The following SLC4A7 variants were observed in gnomAD, a reference collection of about 807,000 sequenced individuals.
The protein encoded by SLC4A7 is sodium bicarbonate cotransporter 3.
In SLC4A7, 51 loss-of-function variants were observed where a neutral mutation model predicts 137.6. The observed-to-expected ratio is 0.37, with a 90% CI of 0.30 to 0.47. SLC4A7 has a LOEUF of 0.47. Ranked by LOEUF, SLC4A7 falls within the 20% of genes least tolerant of loss-of-function variation. The pLI, the probability that SLC4A7 is intolerant of heterozygous loss-of-function variation, is 1.00. For missense variants in SLC4A7, 1,247 were observed against 1,525.4 expected (o/e 0.82, Z 3.04); for synonymous variants, 542 against 518.6 (o/e 1.05, Z -0.61).
intron 3 of SLC4A7, among the ~76,000 whole-genome samples, chr3:27,446,865 GTTTTTTTTT>G (rs1246159785): frequency 2.5e-5 from 2 of 80,250 alleles, no homozygotes; most frequent in Non-Finnish European, 5.2e-5. Flanking sequence ...TCTTAGTAGA[GTTTTTTTTT>G]GTTTTTTTTT....
chr3:27,435,156 A>C (rs374752944), intron 5 of SLC4A7, among the ~76,000 whole-genome samples: 1 of 152,212 alleles, frequency 6.6e-6, no homozygotes, highest in South Asian at 2.1e-4. Context: ...GGTTCTCTTG[A>C]AGATTAAATA....
At chr3:27,484,001 C>G (rs1307648425) in intron 1 of SLC4A7, 66 bp downstream of exon 1, 3 of 1,225,514 alleles carry the variant, frequency 2.4e-6, no homozygotes, top group Non-Finnish European at 3.1e-6. Flanking sequence ...CCGCGCCCCC[C>G]GCCTTTGTCT....
At position 27,374,954 on chromosome 3, in the gene SLC4A7, CT is replaced by C. The variant is rs1351733411; in HGVS notation, c.*1809del. On this transcript the variant is annotated 3_prime_UTR_variant, in exon 26 of 26. Transcript: ENST00000454389. Reference sequence around the variant, plus strand: ...AATAATAAGCACCGTGGGTAATACTCTATCAATTGCCAATAGAGTCTAACTC... The same window carrying C: ...AATAATAAGCACCGTGGGTAATACTCATCAATTGCCAATAGAGTCTAACTC... The C allele has an allele frequency of 6.6e-6, 1 of 152,396 alleles. No individual in the cohort carries two copies. The highest frequency in any genetic ancestry group is 2.4e-5 in the African/African-American group (1 of 41,434). The allele number at this position is 152,396 out of a possible 1,614,324, so 9.4% of individuals were successfully genotyped here.
chr3:27,481,859 G>A (rs1347635744), intron 1 of SLC4A7, among the ~76,000 whole-genome samples: 2 of 152,090 alleles, frequency 1.3e-5, no homozygotes, highest in African/African-American at 4.8e-5. Context: ...AGTTGGGTAG[G>A]GTGCCATGGC....
In SLC4A7 at chr3:27,448,755, T is replaced by C. The variant is rs1559797297; in HGVS notation, c.185A>G (p.Lys62Arg). The C allele has an allele frequency of 6.2e-7, 1 of 1,613,544 alleles. No individual in the cohort carries two copies. Among genetic ancestry groups the C allele is most frequent in the Non-Finnish European group, 8.5e-7 (1 of 1,179,660 alleles). The change falls in exon 3 of 26, where the codon AAA (lysine) becomes AGA (arginine). Residue 62 changes from lysine to arginine, a missense_variant. Lys to Arg is a conservative substitution (Grantham distance 26, BLOSUM62 2). Transcript: ENST00000454389. ...ATGCCTATGACGCCGACGACTCTCT[T>C]TACTAAACGGGACGTGAACACCAAT... is the stretch of plus-strand genomic sequence containing the variant. ...VYIGVHVPFSKESRRRHRHRG... is the reference protein window; with the variant it reads ...VYIGVHVPFSRESRRRHRHRG...
chr3:27,429,503 T>C (rs2056043603), intron 7 of SLC4A7, among the ~76,000 whole-genome samples: 1 of 152,092 alleles, frequency 6.6e-6, no homozygotes, highest in Non-Finnish European at 1.5e-5. Context: ...AGAACTTCAA[T>C]CTTCTCAAAG....
At chr3:27,455,084 G>A (rs1003430617) in intron 1 of SLC4A7, among the ~76,000 whole-genome samples, 6 of 150,114 alleles carry the variant, frequency 4.0e-5, no homozygotes, top group Admixed American at 6.6e-5. Context: ...GTGAAGTCTT[G>A]GGCAAGAGAA....
chr3:27,484,094 T>C lies in SLC4A7; in HGVS notation c.33A>G (p.Arg11=), dbSNP rs2059840885. MEADGAGEQM[R]PLLTRVTSRG... ...TGCTCGTTACCCGGGTGAGTAGCGG[T>C]CTCATCTGCTCGCCGGCCCCATCAG... The change falls in exon 1 of 26, where the codon AGA becomes AGG. Residue 11 remains arginine, a synonymous_variant. Coordinates refer to ENST00000454389, the MANE Select transcript of SLC4A7 (RefSeq NM_001321103.2). 3.6e-6 allele frequency: 5 copies of C among 1,407,304 alleles called. No homozygotes were observed. Among genetic ancestry groups the C allele is most frequent in the Non-Finnish European group, 4.6e-6 (5 of 1,076,358 alleles). The allele number at this position is 1,407,304 out of a possible 1,614,324, so 87.2% of individuals were successfully genotyped here.
At chr3:27,446,215 G>A (rs1435002959) in intron 3 of SLC4A7, among the ~76,000 whole-genome samples, 5 of 151,274 alleles carry the variant, frequency 3.3e-5, no homozygotes, top group East Asian at 3.9e-4. Flanking sequence ...AAAGGAAAAC[G>A]CATTGGAAAA....
chr3:27,457,571 T>G (rs973255377), intron 1 of SLC4A7, among the ~76,000 whole-genome samples: 5 of 152,178 alleles, frequency 3.3e-5, no homozygotes, highest in Admixed American at 2.6e-4. Context: ...ATATTGTTTC[T>G]TAATAGTTGC....
intron 13 of SLC4A7, among the ~76,000 whole-genome samples, chr3:27,407,995 T>C (rs1045593502): frequency 6.6e-6 from 1 of 152,176 alleles, no homozygotes; most frequent in South Asian, 2.1e-4. Context: ...CTAATACATA[T>C]CCTTTTCACT....
intron 15 of SLC4A7, 28 bp from the exon 16 acceptor site, chr3:27,400,897 T>C (rs1343270974): frequency 4.1e-6 from 5 of 1,227,086 alleles, no homozygotes; most frequent in Non-Finnish European, 4.8e-6. Flanking sequence ...GATACATTTT[T>C]AAGGATCCTG....
At chr3:27,403,440 C>T in intron 14 of SLC4A7, 56 bp from the exon 15 acceptor site, 6 of 1,306,918 alleles carry the variant, frequency 4.6e-6, no homozygotes, top group Non-Finnish European at 6.3e-6. Context: ...GTATTTGTAC[C>T]TAAAATTTTT....
intron 2 of SLC4A7, 113 bp from the exon 3 acceptor site, chr3:27,448,910 A>T: frequency 3.1e-6 from 2 of 639,914 alleles, no homozygotes. Context: ...CGTAATTAAC[A>T]ATGGTAGTCT....
At chr3:27,409,653 C>G in intron 12 of SLC4A7, 123 bp from the exon 13 acceptor site, 1 of 636,420 alleles carries the variant, frequency 1.6e-6, no homozygotes, top group Non-Finnish European at 2.7e-6. Context: ...ATGTTAAATC[C>G]AATTTAACTT....
intron 3 of SLC4A7, among the ~76,000 whole-genome samples, chr3:27,448,329 G>A (rs1456007277): frequency 2.6e-5 from 4 of 151,690 alleles, no homozygotes; most frequent in African/African-American, 7.3e-5. Context: ...TTTAGTACAG[G>A]AAATGAAACA....
intron 1 of SLC4A7, among the ~76,000 whole-genome samples, chr3:27,462,001 T>C (rs1311244089): frequency 6.6e-6 from 1 of 151,834 alleles, no homozygotes; most frequent in Non-Finnish European, 1.5e-5. Context: ...TACGTAAAAA[T>C]ACCAATGGCC....
In SLC4A7 at chr3:27,404,829, C is replaced by T. The variant is rs769310532; in HGVS notation, c.2075+1G>A. On this transcript the variant is annotated splice_donor_variant, in intron 14 of 25. Transcript: ENST00000454389. LOFTEE classifies it high-confidence loss of function. Reference sequence around the variant, plus strand: ...GATAAGTAGAGAGGGCTATTACTTACCTGCAGAATTTATATAAAATTTTTT... The same window carrying T: ...GATAAGTAGAGAGGGCTATTACTTATCTGCAGAATTTATATAAAATTTTTT... The T allele has an allele frequency of 6.3e-7, 1 of 1,596,718 alleles. No individual in the cohort carries two copies. The highest frequency in any genetic ancestry group is 8.5e-7 in the Non-Finnish European group (1 of 1,171,240).
intron 11 of SLC4A7, among the ~76,000 whole-genome samples, chr3:27,415,765 C>G (rs1224925943): frequency 6.6e-6 from 1 of 152,142 alleles, no homozygotes; most frequent in South Asian, 2.1e-4. Flanking sequence ...TTTTCTTGGT[C>G]GTATCAGAAT....
Sources: gnomAD v4.1 joint callset for allele counts (sites outside exome capture counted in the v4.1 genomes callset) on GRCh38, gnomAD v4.1.1 for gene constraint, MANE v1.5 for transcripts, NCBI Gene and HGNC (gene_info 2026-07-23, HGNC 2026-07-21) for gene names.